The following MDGA2 variants were observed in gnomAD, a reference collection of about 807,000 sequenced individuals.
The protein encoded by MDGA2 is MAM domain-containing glycosylphosphatidylinositol anchor protein 2.
Under a neutral mutation model 117.8 loss-of-function variants are expected in MDGA2, and 40 were observed. The ratio of observed to expected loss-of-function variants is 0.34; its 90% CI spans 0.26 to 0.44. The LOEUF (loss-of-function observed/expected upper bound fraction) is 0.44. Ranked by LOEUF, MDGA2 falls within the 20% of genes least tolerant of loss-of-function variation. The probability of loss-of-function intolerance (pLI) is 1.00; values close to 1 mark genes in which losing one functional copy is unlikely to be tolerated. For synonymous variants in MDGA2, 452 were observed against 439.0 expected, an observed-to-expected ratio of 1.03 and a Z score of -0.37; for missense variants, 1,123 against 1,250.6, an observed-to-expected ratio of 0.90 and a Z score of 1.54.
At chr14:47,166,033 C>CTTT (rs35219016) in intron 3 of MDGA2, among the ~76,000 whole-genome samples, 6 of 115,518 alleles carry the variant, frequency 5.2e-5, no homozygotes, top group African/African-American at 9.8e-5. Flanking sequence ...GCACTGTTTA[C>CTTT]TTTTTTTTTT....
At chr14:47,382,761 A>G (rs368673731) in intron 1 of MDGA2, among the ~76,000 whole-genome samples, 12 of 152,200 alleles carry the variant, frequency 7.9e-5, no homozygotes, top group Non-Finnish European at 1.3e-4. Context: ...TGGTGGGACT[A>G]TAAACTAGTT....
chr14:47,585,559 T>C lies in MDGA2; in HGVS notation c.280+88958A>G, dbSNP rs148310429. The stretch of plus-strand genomic sequence containing the variant: ...GGTAATGCGCAGGAAAGAGAGATAT[T>C]GACAGTTAAGAGTCTCTCAGGTGCA... On this transcript the variant is annotated intron_variant, in intron 1 of 16. Coordinates refer to ENST00000399232, the MANE Select transcript of MDGA2 (RefSeq NM_001113498.3). Among the ~76,000 whole-genome samples, 88 of 151,910 alleles carry C rather than the reference T, an allele frequency of 5.8e-4. 1 individual carries two copies. The highest frequency in any genetic ancestry group is 2.0e-3 in the African/African-American group (84 of 41,500).
chr14:47,229,028 A>G (rs1886601139), intron 2 of MDGA2, among the ~76,000 whole-genome samples: 1 of 152,202 alleles, frequency 6.6e-6, no homozygotes, highest in Admixed American at 6.5e-5. Flanking sequence ...AGACATAGTG[A>G]GCCACTCTTA....
intron 8 of MDGA2, among the ~76,000 whole-genome samples, chr14:47,019,829 A>G (rs1166230795): frequency 5.4e-5 from 8 of 148,580 alleles, no homozygotes; most frequent in East Asian, 2.0e-4. Flanking sequence ...ACAGAGCGAG[A>G]GTCCGTCTCA....
At chr14:47,296,266 C>A (rs975933162) in intron 2 of MDGA2, among the ~76,000 whole-genome samples, 1 of 152,068 alleles carries the variant, frequency 6.6e-6, no homozygotes, top group Non-Finnish European at 1.5e-5. Flanking sequence ...ATAAGGAGAT[C>A]TTGCTAAAGT....
In MDGA2 at chr14:46,983,396, A is replaced by G. The variant is rs142305830; in HGVS notation, c.1820-25753T>C. Among the ~76,000 whole-genome samples, 1,300 of 152,124 alleles carry G rather than the reference A, an allele frequency of 8.5e-3. 18 individuals are homozygous for G. Among genetic ancestry groups the G allele is most frequent in the African/African-American group, 0.03 (1,235 of 41,514 alleles). The stretch of plus-strand genomic sequence containing the variant: ...TTTCTGAAATTTTCTTCACAGTTAT[A>G]TTTTATGACTTATAAATTTGAAATT... On this transcript the variant is annotated intron_variant, in intron 8 of 16. Coordinates refer to ENST00000399232, the MANE Select transcript of MDGA2 (RefSeq NM_001113498.3).
At chr14:46,896,840 C>T (rs1230716054) in intron 10 of MDGA2, among the ~76,000 whole-genome samples, 2 of 152,116 alleles carry the variant, frequency 1.3e-5, no homozygotes, top group African/African-American at 2.4e-5. Flanking sequence ...ACTCCACTTA[C>T]TCATTAACAA....
intron 11 of MDGA2, among the ~76,000 whole-genome samples, chr14:46,880,208 C>G (rs1882389717): frequency 1.3e-5 from 2 of 151,998 alleles, no homozygotes; most frequent in Admixed American, 1.3e-4. Context: ...GCATGTAATA[C>G]CAGCTACTGG....
intron 1 of MDGA2, among the ~76,000 whole-genome samples, chr14:47,620,274 A>G (rs1426220635): frequency 6.6e-6 from 1 of 152,274 alleles, no homozygotes; most frequent in African/African-American, 2.4e-5. Context: ...AGCAATAACT[A>G]GCAGTCATGA....
At chr14:47,545,869 A>T (rs1895452916) in intron 1 of MDGA2, among the ~76,000 whole-genome samples, 1 of 152,154 alleles carries the variant, frequency 6.6e-6, no homozygotes, top group South Asian at 2.1e-4. Context: ...AATAGTGTTT[A>T]TTGAGATGCC....
intron 1 of MDGA2, among the ~76,000 whole-genome samples, chr14:47,540,924 A>G (rs1319485668): frequency 2.0e-5 from 3 of 152,136 alleles, no homozygotes; most frequent in Admixed American, 6.5e-5. Flanking sequence ...CACAATCACC[A>G]TGAAGGAATT....
At chr14:47,318,647 T>C (rs140096677) in intron 1 of MDGA2, among the ~76,000 whole-genome samples, 1 of 152,240 alleles carries the variant, frequency 6.6e-6, no homozygotes, top group East Asian at 1.9e-4. Flanking sequence ...ATTGGCATTT[T>C]ATCCCAAGGA....
At chr14:46,964,867 G>A (rs78276346) in intron 8 of MDGA2, among the ~76,000 whole-genome samples, 17,021 of 144,318 alleles carry the variant, frequency 0.12, 2,019 homozygotes, top group African/African-American at 0.27. Flanking sequence ...GGAAGAGGTT[G>A]TCAGTGTAAT....
chr14:47,424,333 A>G (rs12147198), intron 1 of MDGA2, among the ~76,000 whole-genome samples: 97,830 of 151,578 alleles, frequency 0.65, 31,724 homozygotes, highest in South Asian at 0.74. Flanking sequence ...TGATGTGGGA[A>G]GAGGATTTGA....
chr14:46,997,578 AC>A, intron 8 of MDGA2, among the ~76,000 whole-genome samples: 1 of 152,004 alleles, frequency 6.6e-6, no homozygotes, highest in Non-Finnish European at 1.5e-5. Flanking sequence ...TAGCTAAGAA[AC>A]CCACTAACCC....
intron 3 of MDGA2, among the ~76,000 whole-genome samples, chr14:47,199,822 T>C (rs1358340555): frequency 6.6e-6 from 1 of 152,124 alleles, no homozygotes. Context: ...TAGTCAGAAG[T>C]TTTAGAACAA....
At chr14:47,469,671 T>C (rs1471487088) in intron 1 of MDGA2, among the ~76,000 whole-genome samples, 1 of 152,148 alleles carries the variant, frequency 6.6e-6, no homozygotes, top group African/African-American at 2.4e-5. Flanking sequence ...ATATACCCAG[T>C]AATGGGATGG....
chr14:47,039,612 C>T (rs997378783), intron 7 of MDGA2, among the ~76,000 whole-genome samples: 6 of 152,114 alleles, frequency 3.9e-5, no homozygotes, highest in African/African-American at 1.4e-4. Context: ...AATGAGAGTG[C>T]TTGTCACAAC....
intron 1 of MDGA2, among the ~76,000 whole-genome samples, chr14:47,451,596 C>T (rs572448950): frequency 1.7e-4 from 26 of 152,140 alleles, no homozygotes; most frequent in African/African-American, 6.3e-4. Context: ...AAAATAGATG[C>T]ATTTAATGGG....
Sources: allele counts gnomAD v4.1 joint callset (sites outside exome capture counted in the v4.1 genomes callset), GRCh38; gene constraint gnomAD v4.1.1; transcripts MANE v1.5; gene names NCBI Gene and HGNC (gene_info 2026-07-23, HGNC 2026-07-21).